The following VTA1 variants were observed in gnomAD, a reference collection of about 807,000 sequenced individuals.
VTA1 encodes vacuolar protein sorting-associated protein VTA1 homolog.
Under a neutral mutation model 36.9 loss-of-function variants are expected in VTA1, and 24 were observed. The ratio of observed to expected loss-of-function variants is 0.65; its 90% confidence interval spans 0.47 to 0.91. The LOEUF (loss-of-function observed/expected upper bound fraction) is 0.91, where lower values mean the gene tolerates loss of function less well. Ranked by LOEUF, VTA1 falls within the 40% of genes least tolerant of loss-of-function variation. VTA1 has a pLI of 0.00. For synonymous variants in VTA1, 142 were observed against 130.2 expected, an observed-to-expected ratio of 1.09 and a Z score of -0.62; for missense variants, 393 against 377.2, an observed-to-expected ratio of 1.04 and a Z score of -0.35.
intron 1 of VTA1, among the ~76,000 whole-genome samples, chr6:142,158,554 A>G (rs994693603): frequency 6.6e-6 from 1 of 152,194 alleles, no homozygotes; most frequent in African/African-American, 2.4e-5. Flanking sequence ...TATCAATAGT[A>G]TATTGCTGGA....
At chr6:142,211,257 G>T (rs753318012) in intron 7 of VTA1, among the ~76,000 whole-genome samples, 5 of 152,102 alleles carry the variant, frequency 3.3e-5, no homozygotes, top group Admixed American at 6.5e-5. Flanking sequence ...AAACTGTAAA[G>T]ATGGCAAATT....
intron 6 of VTA1, among the ~76,000 whole-genome samples, chr6:142,201,240 T>TA (rs1775679475): frequency 6.6e-6 from 1 of 151,838 alleles, no homozygotes; most frequent in South Asian, 2.1e-4. Flanking sequence ...AAAAACAAAA[T>TA]AACATTTTTA....
chr6:142,159,865 A>C (rs954474531), intron 1 of VTA1, among the ~76,000 whole-genome samples: 15 of 151,500 alleles, frequency 9.9e-5, no homozygotes, highest in African/African-American at 3.6e-4. Flanking sequence ...TGTATATTCC[A>C]TTTCTCCTTT....
At chr6:142,213,294 CT>C (rs1383300056) in intron 7 of VTA1, among the ~76,000 whole-genome samples, 1 of 152,196 alleles carries the variant, frequency 6.6e-6, no homozygotes, top group South Asian at 2.1e-4. Flanking sequence ...CCATGTCTCA[CT>C]TCCAGGTCAT....
At chr6:142,170,669 G>C (rs924276079) in intron 4 of VTA1, among the ~76,000 whole-genome samples, 2 of 151,870 alleles carry the variant, frequency 1.3e-5, no homozygotes, top group Non-Finnish European at 2.9e-5. Flanking sequence ...ATATTGCTCT[G>C]TTGCCCAGGC....
chr6:142,154,126 G>A (rs1778617762), intron 1 of VTA1, among the ~76,000 whole-genome samples: 3 of 151,758 alleles, frequency 2.0e-5, no homozygotes, highest in Admixed American at 2.0e-4. Context: ...TCCCCTTGTT[G>A]CCCTTTTATT....
chr6:142,196,565 G>GT lies in VTA1; in HGVS notation c.521-1866dup, dbSNP rs1283969579. 1.1e-4 allele frequency among the ~76,000 whole-genome samples: 16 copies of GT among 151,514 alleles called. No individual in the cohort carries two copies. In the South Asian group the frequency reaches 1.7e-3, roughly 16 times the overall value. ...CATTTCCTTTCTGTTAATACCATCT[G>GT]TTTTTTTTCTCTTACAGTTTTTCCC... On this transcript the variant is annotated intron_variant, in intron 5 of 7. Coordinates refer to ENST00000367630, the MANE Select transcript of VTA1 (RefSeq NM_016485.5).
chr6:142,193,098 T>C (rs917784356), intron 5 of VTA1, among the ~76,000 whole-genome samples: 12 of 152,120 alleles, frequency 7.9e-5, no homozygotes, highest in Admixed American at 3.3e-4. Flanking sequence ...TCAGTCTCCT[T>C]AATCTGGAGT....
At chr6:142,204,117 C>T (rs1224577234) in intron 7 of VTA1, 52 bp downstream of exon 7, 2 of 1,532,256 alleles carry the variant, frequency 1.3e-6, no homozygotes, top group African/African-American at 1.4e-5. Context: ...TTTTGGGTTG[C>T]TGTTTTGTAA....
intron 1 of VTA1, among the ~76,000 whole-genome samples, chr6:142,157,871 T>G (rs1187152571): frequency 2.3e-5 from 2 of 85,388 alleles, no homozygotes; most frequent in Admixed American, 1.5e-4. Flanking sequence ...CTATTTTGGG[T>G]TTTTTTTTTT....
In VTA1 at chr6:142,207,703, A is replaced by G. The variant is rs146705354; in HGVS notation, c.778+3638A>G. ...AGCTGGACAGAGAAAACTGGAATAAATAACTAATTCTTCCAGTGCAAAGAC... is the reference window on the plus strand; with the variant it reads ...AGCTGGACAGAGAAAACTGGAATAAGTAACTAATTCTTCCAGTGCAAAGAC... On this transcript the variant is annotated intron_variant, in intron 7 of 7. Transcript: ENST00000367630. Among the ~76,000 whole-genome samples, 402 of 151,730 alleles carry G rather than the reference A, an allele frequency of 2.6e-3. 3 individuals are homozygous for G. The highest frequency in any genetic ancestry group is 9.3e-3 in the African/African-American group (383 of 41,076).
At chr6:142,195,130 G>C (rs1775520414) in intron 5 of VTA1, among the ~76,000 whole-genome samples, 1 of 151,986 alleles carries the variant, frequency 6.6e-6, no homozygotes, top group African/African-American at 2.4e-5. Flanking sequence ...TCCCTTCTCT[G>C]TTTTCTGAAA....
intron 4 of VTA1, among the ~76,000 whole-genome samples, chr6:142,180,025 T>C (rs1161007811): frequency 6.6e-6 from 1 of 152,226 alleles, no homozygotes; most frequent in African/African-American, 2.4e-5. Context: ...TTACACTAGA[T>C]GAATAGATCT....
At chr6:142,184,202 C>G (rs1246504512) in intron 4 of VTA1, among the ~76,000 whole-genome samples, 2 of 152,162 alleles carry the variant, frequency 1.3e-5, no homozygotes, top group African/African-American at 4.8e-5. Context: ...GGCTTATTTT[C>G]TGTTATTTCA....
At chr6:142,214,582 C>G (rs1208605868) in intron 7 of VTA1, among the ~76,000 whole-genome samples, 1 of 152,146 alleles carries the variant, frequency 6.6e-6, no homozygotes, top group East Asian at 1.9e-4. Context: ...GATGGGGACA[C>G]AAATCCAAAC....
At chr6:142,156,085 C>T (rs1778655879) in intron 1 of VTA1, among the ~76,000 whole-genome samples, 1 of 152,128 alleles carries the variant, frequency 6.6e-6, no homozygotes, top group African/African-American at 2.4e-5. Context: ...CAGTTGTCAC[C>T]TAATAAGGCA....
chr6:142,161,763 T>A (rs2114637116), intron 1 of VTA1, among the ~76,000 whole-genome samples: 1 of 152,250 alleles, frequency 6.6e-6, no homozygotes, highest in South Asian at 2.1e-4. Context: ...TCAGAGTTCT[T>A]TATGAAAGAG....
At chr6:142,156,051 T>A (rs941331626) in intron 1 of VTA1, among the ~76,000 whole-genome samples, 2 of 152,128 alleles carry the variant, frequency 1.3e-5, no homozygotes, top group African/African-American at 4.8e-5. Flanking sequence ...GCAGTTGTGG[T>A]CCCTAGAGGG....
intron 7 of VTA1, among the ~76,000 whole-genome samples, chr6:142,204,467 T>C (rs903540350): frequency 6.6e-6 from 1 of 152,190 alleles, no homozygotes; most frequent in Non-Finnish European, 1.5e-5. Flanking sequence ...CTGACCATTA[T>C]TAAAAATAAA....
Sources: allele counts gnomAD v4.1 joint callset (sites outside exome capture counted in the v4.1 genomes callset), GRCh38; gene constraint gnomAD v4.1.1; transcripts MANE v1.5; gene names NCBI Gene and HGNC (gene_info 2026-07-23, HGNC 2026-07-21).